Variants in LINGO2 observed in about 807,000 individuals in gnomAD.
LINGO2 encodes the protein leucine-rich repeat and immunoglobulin-like domain-containing nogo receptor-interacting protein 2.
LINGO2 carries 14 observed loss-of-function variants against 30.6 expected under a neutral mutation model. The ratio of observed to expected loss-of-function variants is 0.46; its 90% confidence interval spans 0.30 to 0.72. The LOEUF (loss-of-function observed/expected upper bound fraction) is 0.72, where lower values mean the gene tolerates loss of function less well. Among genes scored for constraint, LINGO2 ranks in the 30% least tolerant of loss-of-function variants. The probability of loss-of-function intolerance (pLI) is 0.07; values close to 1 mark genes in which losing one functional copy is unlikely to be tolerated. For missense variants in LINGO2, 729 were observed against 751.7 expected, an observed-to-expected ratio of 0.97 and a Z score of 0.35; for synonymous variants, 317 against 288.5, an observed-to-expected ratio of 1.10 and a Z score of -1.00.
the LINGO2 span, among the ~76,000 whole-genome samples, chr9:28,803,519 T>C: frequency 9.2e-5 from 14 of 151,920 alleles, no homozygotes; most frequent in Admixed American, 7.9e-4. Flanking sequence ...TTTTAATATA[T>C]ATATACTACT....
At chr9:28,017,346 A>G (rs986667116) in intron 4 of LINGO2, among the ~76,000 whole-genome samples, 2 of 152,156 alleles carry the variant, frequency 1.3e-5, no homozygotes, top group African/African-American at 4.8e-5. Context: ...CAGAGCAATT[A>G]GGCAAGAGAA....
At chr9:29,186,972 A>G in the LINGO2 span, among the ~76,000 whole-genome samples, 1 of 152,162 alleles carries the variant, frequency 6.6e-6, no homozygotes, top group Non-Finnish European at 1.5e-5. Context: ...TATAGACTCC[A>G]TTTGGTTTTT....
At chr9:28,785,197 T>C in the LINGO2 span, among the ~76,000 whole-genome samples, 1 of 152,146 alleles carries the variant, frequency 6.6e-6, no homozygotes, top group African/African-American at 2.4e-5. Context: ...TAATAAGTAG[T>C]AAGATACACT....
intron 4 of LINGO2, among the ~76,000 whole-genome samples, chr9:28,143,947 G>A (rs1827744055): frequency 6.6e-6 from 1 of 152,062 alleles, no homozygotes; most frequent in South Asian, 2.1e-4. Flanking sequence ...CTTGCAGTAA[G>A]CATATGCTTA....
chr9:28,198,805 G>A (rs540476198), intron 4 of LINGO2, among the ~76,000 whole-genome samples: 313 of 152,204 alleles, frequency 2.1e-3, no homozygotes, highest in Middle Eastern at 0.017. Flanking sequence ...GGACAAGTTT[G>A]CCTTTATTTG....
the LINGO2 span, among the ~76,000 whole-genome samples, chr9:29,172,762 A>T: frequency 6.6e-6 from 1 of 151,932 alleles, no homozygotes; most frequent in African/African-American, 2.4e-5. Flanking sequence ...ATCAGAAAAA[A>T]AAATAAAAGA....
intron 5 of LINGO2, among the ~76,000 whole-genome samples, chr9:27,964,462 A>G (rs1055371784): frequency 2.6e-4 from 40 of 152,240 alleles, no homozygotes; most frequent in Admixed American, 2.4e-3. Flanking sequence ...AAGCCTATAA[A>G]GACAATGTGA....
intron 1 of LINGO2, among the ~76,000 whole-genome samples, chr9:28,583,017 G>A (rs1824338573): frequency 6.6e-6 from 1 of 151,870 alleles, no homozygotes; most frequent in African/African-American, 2.4e-5. Flanking sequence ...TTGGAACAGA[G>A]GACAATCATT....
rs7861114 is a variant in LINGO2, at chr9:28,209,598, C to T, written c.-87+85610G>A. Among the ~76,000 whole-genome samples, 1,480 of 151,088 alleles carry T rather than the reference C, an allele frequency of 9.8e-3. 34 individuals carry two copies. The highest frequency in any genetic ancestry group is 0.033 in the African/African-American group (1,364 of 41,220). On this transcript the variant is annotated intron_variant, in intron 4 of 5. Transcript: ENST00000379992. ...TTTAGTAATAGTTTAATTTAATAAACGTTTTTGAATTCTAAGTCAATGTTA... is the reference window on the plus strand; with the variant it reads ...TTTAGTAATAGTTTAATTTAATAAATGTTTTTGAATTCTAAGTCAATGTTA...
At chr9:28,917,538 C>T in the LINGO2 span, among the ~76,000 whole-genome samples, 2 of 151,652 alleles carry the variant, frequency 1.3e-5, no homozygotes, top group Non-Finnish European at 2.9e-5. Context: ...CTGCAACCTC[C>T]ACCTCCTGGA....
chr9:28,320,984 C>A (rs960807016), intron 3 of LINGO2, among the ~76,000 whole-genome samples: 1 of 152,104 alleles, frequency 6.6e-6, no homozygotes, highest in Non-Finnish European at 1.5e-5. Context: ...CTTGCAGCTG[C>A]CAATCCATGG....
rs978956966 is a variant in LINGO2 at position 28,616,373 on chromosome 9, C to T, written c.-365+53827G>A. Among the ~76,000 whole-genome samples the T allele has an allele frequency of 7.9e-5, 12 of 152,048 alleles. No homozygotes were observed. The South Asian group carries it at 1.0e-3, about 13-fold the overall frequency. ...AATAGATTCCCACTTAATGTCAGTC[C>T]GTTTGGCTTTGAGCTATATAGCTGA... On this transcript the variant is annotated intron_variant, in intron 1 of 5. Coordinates refer to ENST00000379992, the Ensembl canonical transcript of LINGO2.
intron 1 of LINGO2, among the ~76,000 whole-genome samples, chr9:28,498,687 C>T (rs2135304587): frequency 6.6e-6 from 1 of 152,238 alleles, no homozygotes; most frequent in South Asian, 2.1e-4. Flanking sequence ...CCAACAAACC[C>T]CAGTGAGATG....
chr9:28,216,513 T>A (rs927101355), intron 4 of LINGO2, among the ~76,000 whole-genome samples: 1 of 151,984 alleles, frequency 6.6e-6, no homozygotes, highest in Non-Finnish European at 1.5e-5. Context: ...CATTGTAAAA[T>A]GTCTTCAATA....
chr9:28,019,994 T>G (rs912191943), intron 4 of LINGO2, among the ~76,000 whole-genome samples: 2 of 152,096 alleles, frequency 1.3e-5, no homozygotes, highest in African/African-American at 4.8e-5. Flanking sequence ...ATCAGCCAAA[T>G]GAGACATTCC....
At chr9:29,142,515 T>C in the LINGO2 span, among the ~76,000 whole-genome samples, 1 of 151,688 alleles carries the variant, frequency 6.6e-6, no homozygotes, top group South Asian at 2.1e-4. Flanking sequence ...GAAAAACTAA[T>C]TCAGTTCAAA....
chr9:28,849,841 T>C, the LINGO2 span, among the ~76,000 whole-genome samples: 1 of 152,024 alleles, frequency 6.6e-6, no homozygotes, highest in African/African-American at 2.4e-5. Context: ...AGCTGGCCTT[T>C]TATGTTCCCA....
At chr9:28,498,500 A>T (rs1269278446) in intron 1 of LINGO2, among the ~76,000 whole-genome samples, 1 of 152,144 alleles carries the variant, frequency 6.6e-6, no homozygotes, top group Non-Finnish European at 1.5e-5. Context: ...TGCTAAGACC[A>T]TTGGAAAGGA....
At chr9:28,588,271 C>T (rs943503848) in intron 1 of LINGO2, among the ~76,000 whole-genome samples, 1 of 152,026 alleles carries the variant, frequency 6.6e-6, no homozygotes, top group Non-Finnish European at 1.5e-5. Context: ...AACTCTTTAG[C>T]TGAAAAATGA....
Sources: allele counts gnomAD v4.1 joint callset (sites outside exome capture counted in the v4.1 genomes callset), GRCh38; gene constraint gnomAD v4.1.1; transcripts MANE v1.5; gene names NCBI Gene and HGNC (gene_info 2026-07-23, HGNC 2026-07-21).